Variants in PRKAR2A observed in about 807,000 individuals in gnomAD.
PRKAR2A encodes protein kinase cAMP-dependent type II regulatory subunit alpha, also known as cAMP-dependent protein kinase type II-alpha regulatory subunit.
PRKAR2A carries 29 observed loss-of-function variants against 51.9 expected under a neutral mutation model. The ratio of observed to expected loss-of-function variants is 0.56; its 90% confidence interval spans 0.42 to 0.76. PRKAR2A has a LOEUF of 0.76. Among genes scored for constraint, PRKAR2A ranks in the 30% least tolerant of loss-of-function variants. PRKAR2A has a pLI of 0.00. For synonymous variants in PRKAR2A, 178 were observed against 186.2 expected, an observed-to-expected ratio of 0.96 and a Z score of 0.36; for missense variants, 445 against 512.1, an observed-to-expected ratio of 0.87 and a Z score of 1.26.
intron 3 of PRKAR2A, among the ~76,000 whole-genome samples, chr3:48,791,030 T>C (rs2082373968): frequency 6.6e-6 from 1 of 152,126 alleles, no homozygotes; most frequent in African/African-American, 2.4e-5. Flanking sequence ...GGCTCATGCC[T>C]GTAATCCCAA....
intron 1 of PRKAR2A, among the ~76,000 whole-genome samples, chr3:48,835,038 C>T (rs893860979): frequency 3.4e-5 from 5 of 148,832 alleles, no homozygotes; most frequent in Non-Finnish European, 5.9e-5. Flanking sequence ...GTGGCACGAT[C>T]TCAGGTCACT....
At position 48,756,510 on chromosome 3, in the gene PRKAR2A, G is replaced by A. The variant is rs2081768446; in HGVS notation, c.874-66C>T. 4.4e-6 allele frequency: 5 copies of A among 1,141,530 alleles called. No homozygotes were observed. The South Asian group carries it at 6.4e-5, about 15-fold the overall frequency. The allele number at this position is 1,141,530 out of a possible 1,614,324, so 70.7% of individuals were successfully genotyped here. A position where few individuals can be genotyped will look rare whatever the true frequency, so the allele number is the denominator to read the frequency against. On this transcript the variant is annotated intron_variant, in intron 8 of 10. Coordinates refer to ENST00000265563, the MANE Select transcript of PRKAR2A (RefSeq NM_004157.4). Reference sequence around the variant, plus strand: ...TTGAAGGGGAATAAAGAAATAGATTGCTTTTTCACTGCTTAAGCTCTGATT... The same window carrying A: ...TTGAAGGGGAATAAAGAAATAGATTACTTTTTCACTGCTTAAGCTCTGATT...
chr3:48,797,479 G>A (rs1000513994), intron 2 of PRKAR2A, among the ~76,000 whole-genome samples: 6 of 152,096 alleles, frequency 3.9e-5, no homozygotes, highest in Non-Finnish European at 8.8e-5. Context: ...TCCTGGTCTA[G>A]GTACACCCCA....
intron 6 of PRKAR2A, among the ~76,000 whole-genome samples, chr3:48,768,895 T>C (rs943944331): frequency 1.3e-5 from 2 of 151,902 alleles, no homozygotes; most frequent in Non-Finnish European, 2.9e-5. Flanking sequence ...GGTCAGGAGT[T>C]CGAAACCAGC....
intron 2 of PRKAR2A, among the ~76,000 whole-genome samples, chr3:48,796,498 G>T (rs984256307): frequency 2.0e-5 from 3 of 151,912 alleles, no homozygotes; most frequent in African/African-American, 7.3e-5. Flanking sequence ...TCTACGGTTT[G>T]CCCCGCCCGC....
rs569831049 is a variant in PRKAR2A at position 48,821,594 on chromosome 3, C to T, written c.263-13910G>A. 2.8e-3 allele frequency among the ~76,000 whole-genome samples: 433 copies of T among 152,312 alleles called. 7 individuals are homozygous for T. In the Middle Eastern group the frequency reaches 0.037, roughly 13 times the overall value. On this transcript the variant is annotated intron_variant, in intron 1 of 10. Transcript: ENST00000265563. ...TACATTATCTTTAAGTTTTACCACA[C>T]CCTTGAAAGACAGTCAAGAACTCCC...
At position 48,797,848 on chromosome 3, in the gene PRKAR2A, C is replaced by CT. The variant is rs542805499; in HGVS notation, c.299-3800dup. Among the ~76,000 whole-genome samples, 418 of 152,294 alleles carry CT rather than the reference C, an allele frequency of 2.7e-3. 4 individuals are homozygous for CT. Among genetic ancestry groups the CT allele is most frequent in the African/African-American group, 9.6e-3 (398 of 41,572 alleles). ...TGGGATATAGGTAATGACTCACTAT[C>CT]TTTCTCCAAGCATTTTTGTTTCCAG... On this transcript the variant is annotated intron_variant, in intron 2 of 10. Coordinates refer to ENST00000265563, the MANE Select transcript of PRKAR2A (RefSeq NM_004157.4).
chr3:48,820,146 A>G (rs1318473775), intron 1 of PRKAR2A, among the ~76,000 whole-genome samples: 1 of 152,238 alleles, frequency 6.6e-6, no homozygotes, highest in African/African-American at 2.4e-5. Context: ...AACTGGGGAT[A>G]CAGAATAGCT....
In PRKAR2A at chr3:48,847,789, C is replaced by CGCCGCCGCTGTCACTGGGCA. The variant is rs1161458499; in HGVS notation, c.-213_-194dup. 3.9e-6 allele frequency: 2 copies of CGCCGCCGCTGTCACTGGGCA among 509,074 alleles called. No individual in the cohort carries two copies. The highest frequency in any genetic ancestry group is 6.1e-6 in the Non-Finnish European group (2 of 327,170). 31.5% of individuals were successfully genotyped at this position (509,074 alleles called of 1,614,324 possible). A position where few individuals can be genotyped will look rare whatever the true frequency, so the allele number is the denominator to read the frequency against. On this transcript the variant is annotated 5_prime_UTR_variant, in exon 1 of 11. Coordinates refer to ENST00000265563, the MANE Select transcript of PRKAR2A (RefSeq NM_004157.4). This position sits in a 1 kb window ranked among gnomAD's most constrained non-coding sequence, Gnocchi z 4.4. Reference sequence around the variant, plus strand: ...TACGCTACCACGGCCGACCTGGCACCGCCGCCGCTGTCACTGGGCAGCCGC... The same window carrying CGCCGCCGCTGTCACTGGGCA: ...TACGCTACCACGGCCGACCTGGCACCGCCGCCGCTGTCACTGGGCAGCCGCCGCTGTCACTGGGCAGCCGC...
intron 3 of PRKAR2A, among the ~76,000 whole-genome samples, chr3:48,793,433 G>T (rs2082424784): frequency 6.6e-6 from 1 of 152,108 alleles, no homozygotes; most frequent in African/African-American, 2.4e-5. Context: ...AAGGCTTGTT[G>T]TTGTTGTCGT....
At chr3:48,842,956 T>A (rs2083403485) in intron 1 of PRKAR2A, among the ~76,000 whole-genome samples, 1 of 152,166 alleles carries the variant, frequency 6.6e-6, no homozygotes, top group Non-Finnish European at 1.5e-5. Context: ...ATTCCCTCTT[T>A]TTCCATTGAT....
At chr3:48,817,168 A>G (rs2082886882) in intron 1 of PRKAR2A, among the ~76,000 whole-genome samples, 1 of 151,906 alleles carries the variant, frequency 6.6e-6, no homozygotes, top group Non-Finnish European at 1.5e-5. Flanking sequence ...CTCTACTAAA[A>G]ATACAAAAAT....
Position 48,847,527 on chromosome 3 carries a change from G to A in PRKAR2A, c.70C>T (p.Gln24Ter), listed in dbSNP as rs759540303. Residue 24 changes from glutamine to a stop codon, truncating the protein, a stop_gained, in exon 1 of 11, where the codon CAG (glutamine) becomes TAG (stop). Transcript: ENST00000265563. LOFTEE classifies it high-confidence loss of function. This position sits in a 1 kb window ranked among gnomAD's most constrained non-coding sequence, Gnocchi z 4.4. ...AATTCGACGAGGTCAGGCGGCTGCT[G>A]TCGCAGCACCTCCACCGTGTAGCCC... ...LQGYTVEVLR[Q>*]QPPDLVEFAV... 2 of 1,567,414 alleles carry A rather than the reference G, an allele frequency of 1.3e-6. No homozygotes were observed. Among genetic ancestry groups the A allele is most frequent in the Non-Finnish European group, 1.7e-6 (2 of 1,158,304 alleles).
intron 4 of PRKAR2A, among the ~76,000 whole-genome samples, chr3:48,785,098 T>TC (rs1463027636): frequency 6.6e-6 from 1 of 150,694 alleles, no homozygotes; most frequent in Non-Finnish European, 1.5e-5. Context: ...AATATTCTTT[T>TC]TTTTTTTTTT....
chr3:48,754,903 C>T (rs1302292081), intron 9 of PRKAR2A, among the ~76,000 whole-genome samples: 2 of 139,410 alleles, frequency 1.4e-5, no homozygotes, highest in Non-Finnish European at 3.1e-5. Context: ...GGCAACAGAG[C>T]AAGACTCACT....
chr3:48,807,651 G>C lies in PRKAR2A; in HGVS notation c.296C>G (p.Ser99Ter). The change falls in exon 2 of 11, where the codon TCA (serine) becomes TGA (stop). Residue 99 changes from serine (S) to a stop codon, truncating the protein, a stop_gained and splice_region_variant. Coordinates refer to ENST00000265563, the MANE Select transcript of PRKAR2A (RefSeq NM_004157.4). LOFTEE classifies it high-confidence loss of function. ...PVPSRFNRRV[S>*]VCAETYNPDE... ...ATGTTATGAAATAGAACACATACCT[G>C]ATACTCGTCTATTAAATCTGCTAGG... 6.3e-7 allele frequency: 1 copy of C among 1,593,614 alleles called. No individual in the cohort carries two copies. The highest frequency in any genetic ancestry group is 1.1e-5 in the South Asian group (1 of 90,320).
chr3:48,811,630 T>C (rs2082771742), intron 1 of PRKAR2A, among the ~76,000 whole-genome samples: 1 of 152,138 alleles, frequency 6.6e-6, no homozygotes, highest in Non-Finnish European at 1.5e-5. Context: ...CAACTGATGG[T>C]TGCCAGGAGA....
At chr3:48,805,272 C>A (rs1473310237) in intron 2 of PRKAR2A, among the ~76,000 whole-genome samples, 1 of 152,058 alleles carries the variant, frequency 6.6e-6, no homozygotes, top group African/African-American at 2.4e-5. Flanking sequence ...CTGGAAGCAG[C>A]CAAGAGAATC....
At chr3:48,775,101 T>C (rs994183391) in intron 5 of PRKAR2A, among the ~76,000 whole-genome samples, 1 of 152,160 alleles carries the variant, frequency 6.6e-6, no homozygotes, top group Admixed American at 6.6e-5. Context: ...TAGGTATTGA[T>C]ATGAATGCAT....
Sources: allele counts gnomAD v4.1 joint callset (sites outside exome capture counted in the v4.1 genomes callset), GRCh38; gene constraint gnomAD v4.1.1; non-coding constraint Gnocchi (gnomAD v3.1); transcripts MANE v1.5; gene names NCBI Gene and HGNC (gene_info 2026-07-23, HGNC 2026-07-21).